Variants in CUBN observed in about 807,000 individuals in gnomAD.
CUBN encodes 460 kDa receptor.
CUBN carries 282 observed loss-of-function variants against 405.3 expected under a neutral mutation model. The ratio of observed to expected loss-of-function variants is 0.70; its 90% CI spans 0.63 to 0.77. CUBN has a LOEUF of 0.77. Ranked by LOEUF, CUBN falls within the 30% of genes least tolerant of loss-of-function variation. CUBN has a pLI of 0.00. For synonymous variants in CUBN, 1,684 were observed against 1,617.0 expected (o/e 1.04, Z -0.99); for missense variants, 4,514 against 4,475.2 (o/e 1.01, Z -0.25).
At chr10:16,931,360 A>C (rs1268336626) in intron 40 of CUBN, among the ~76,000 whole-genome samples, 1 of 152,204 alleles carries the variant, frequency 6.6e-6, no homozygotes. Flanking sequence ...GCACTCAATA[A>C]CTATTTCTTG....
At position 16,945,767 on chromosome 10, in the gene CUBN, CAA is replaced by C. The variant is rs61141075; in HGVS notation, c.5342+1466_5342+1467del. ...GGGCAACAGAGCCAGACTGTGTCTC[CAA>C]AAAAAAAAAAAAAAAAAAAAAGACA... On this transcript the variant is annotated intron_variant, in intron 36 of 66. Transcript: ENST00000377833. Among the ~76,000 whole-genome samples, 368 of 81,412 alleles carry C rather than the reference CAA, an allele frequency of 4.5e-3. 3 individuals carry two copies. Among genetic ancestry groups the C allele is most frequent in the African/African-American group, 0.016 (341 of 21,520 alleles). The allele number at this position is 81,412 out of a possible 152,430, so 53.4% of individuals were successfully genotyped here.
At chr10:17,051,894 G>A (rs12254962) in intron 22 of CUBN, among the ~76,000 whole-genome samples, 7,946 of 150,518 alleles carry the variant, frequency 0.053, 709 homozygotes, top group African/African-American at 0.18. Context: ...AGGAAATAGC[G>A]GCTAAAATTC....
intron 60 of CUBN, among the ~76,000 whole-genome samples, chr10:16,850,406 T>A (rs1020047366): frequency 2.0e-5 from 3 of 152,190 alleles, no homozygotes; most frequent in African/African-American, 7.2e-5. Flanking sequence ...ACCTGATAGG[T>A]ATAATAATTT....
intron 39 of CUBN, among the ~76,000 whole-genome samples, chr10:16,934,846 A>G (rs1470710023): frequency 6.6e-6 from 1 of 152,202 alleles, no homozygotes; most frequent in Non-Finnish European, 1.5e-5. Flanking sequence ...TTAGGAAGTG[A>G]TGGATGATGA....
intron 19 of CUBN, among the ~76,000 whole-genome samples, 181 bp downstream of exon 19, chr10:17,071,245 C>T (rs923825367): frequency 3.3e-5 from 5 of 152,182 alleles, no homozygotes; most frequent in African/African-American, 9.6e-5. Flanking sequence ...TATATAAATC[C>T]TCTTTTTGTG....
chr10:16,909,138 G>A (rs1213082900), intron 48 of CUBN, among the ~76,000 whole-genome samples: 1 of 151,958 alleles, frequency 6.6e-6, no homozygotes, highest in Non-Finnish European at 1.5e-5. Context: ...ACCCGCCTCG[G>A]CCTCCCAAAG....
In CUBN at chr10:16,976,391, A is replaced by T. The variant is rs1423518690; in HGVS notation, c.4695+6093T>A. On this transcript the variant is annotated intron_variant, in intron 31 of 66. Coordinates refer to ENST00000377833, the MANE Select transcript of CUBN (RefSeq NM_001081.4). ...TTTAAAAAAATTTTTTTTACTTCCA[A>T]TCCTGGTTGAAAAGTCAGCATTTAG... 2.0e-5 allele frequency among the ~76,000 whole-genome samples: 3 copies of T among 152,124 alleles called. No individual in the cohort carries two copies. The East Asian group carries it at 5.8e-4, about 29-fold the overall frequency.
intron 31 of CUBN, among the ~76,000 whole-genome samples, chr10:16,970,113 C>T (rs935896734): frequency 6.6e-6 from 1 of 152,168 alleles, no homozygotes; most frequent in Non-Finnish European, 1.5e-5. Flanking sequence ...CAGAAACAAG[C>T]ACCTGGCAGT....
chr10:17,072,094 A>G (rs538766916), intron 17 of CUBN, 123 bp from the exon 18 acceptor site: 1 of 757,486 alleles, frequency 1.3e-6, no homozygotes, highest in Admixed American at 2.3e-5. Flanking sequence ...TTTGAGTTAC[A>G]TATTTCTATT....
At chr10:17,109,938 C>A (rs1836731632) in intron 9 of CUBN, among the ~76,000 whole-genome samples, 1 of 151,924 alleles carries the variant, frequency 6.6e-6, no homozygotes, top group Non-Finnish European at 1.5e-5. Context: ...ATTTCATAAG[C>A]AATGTTCTGG....
chr10:16,901,389 G>A lies in CUBN; in HGVS notation c.8133C>T (p.Ser2711=). ...TSPNYPNAYD[S]LTHCSSLLEA... ...CCAACAGCGAAGAGCAGTGGGTCAG[G>A]CTGTCATAAGCATTTGGATAGTTGG... The change falls in exon 52 of 67, where the codon AGC becomes AGT. Residue 2711 remains serine, a synonymous_variant. Coordinates refer to ENST00000377833, the MANE Select transcript of CUBN (RefSeq NM_001081.4). 1 of 1,614,130 alleles carries A rather than the reference G, an allele frequency of 6.2e-7. No homozygotes were observed. The highest frequency in any genetic ancestry group is 8.5e-7 in the Non-Finnish European group (1 of 1,179,992).
chr10:16,835,224 T>C (rs1371813773), intron 63 of CUBN, 29 bp from the exon 64 acceptor site: 2 of 1,546,150 alleles, frequency 1.3e-6, no homozygotes, highest in African/African-American at 2.7e-5. Flanking sequence ...ATAATTAATG[T>C]ACGCATTCCA....
intron 56 of CUBN, among the ~76,000 whole-genome samples, chr10:16,885,609 T>C (rs958697468): frequency 1.4e-5 from 2 of 147,724 alleles, no homozygotes; most frequent in African/African-American, 2.5e-5. Context: ...CCCTGTACTA[T>C]ACTGAGATAT....
In CUBN at chr10:16,840,230, AAAG is replaced by A; in HGVS notation, c.10032+97_10032+99del. ...CTAAAACTTAAAGTATAATTAAAAA[AAAG>A]AAAATTATTTCATCATGGCTTCATT... is the stretch of plus-strand genomic sequence containing the variant. On this transcript the variant is annotated intron_variant, in intron 62 of 66. Transcript: ENST00000377833. The A allele has an allele frequency of 2.7e-6, 3 of 1,104,940 alleles. No homozygotes were observed. In the South Asian group the frequency reaches 4.0e-5, roughly 15 times the overall value. 68.4% of individuals were successfully genotyped at this position (1,104,940 alleles called of 1,614,324 possible).
intron 3 of CUBN, among the ~76,000 whole-genome samples, chr10:17,127,264 CTTTTTT>C (rs34414528): frequency 4.8e-5 from 4 of 82,870 alleles, no homozygotes; most frequent in Non-Finnish European, 8.6e-5. Context: ...CTCTCTCTTT[CTTTTTT>C]TTTTTTTTTT....
chr10:17,103,893 G>C (rs1836557963), intron 12 of CUBN, among the ~76,000 whole-genome samples: 1 of 152,162 alleles, frequency 6.6e-6, no homozygotes, highest in Non-Finnish European at 1.5e-5. Context: ...GTGGTACATG[G>C]GGTCCGGTGA....
Position 17,122,819 on chromosome 10 carries a change from CAT to C in CUBN, c.567_568del (p.Val191Ter). ...CCTGTAACTTCCCATTGTATTAACA[CAT>C]GTGCCTCCATTCTGGCAGCTCAAGG... On this transcript the variant is annotated frameshift_variant, in exon 6 of 67. Transcript: ENST00000377833. LOFTEE classifies it high-confidence loss of function. 4 of 1,600,208 alleles carry C rather than the reference CAT, an allele frequency of 2.5e-6. No individual in the cohort carries two copies. The highest frequency in any genetic ancestry group is 3.4e-6 in the Non-Finnish European group (4 of 1,169,474).
intron 59 of CUBN, among the ~76,000 whole-genome samples, chr10:16,864,253 A>C (rs1840098982): frequency 6.6e-6 from 1 of 152,224 alleles, no homozygotes; most frequent in African/African-American, 2.4e-5. Context: ...AATGTACTTT[A>C]GGATTTGACG....
chr10:16,995,374 GCTGTATGAATA>G (rs1465102993), intron 28 of CUBN, among the ~76,000 whole-genome samples: 2 of 152,208 alleles, frequency 1.3e-5, no homozygotes, highest in African/African-American at 4.8e-5. Flanking sequence ...TTCATCTATA[GCTGTATGAATA>G]CTTACTTCAT....
Sources: allele counts gnomAD v4.1 joint callset (sites outside exome capture counted in the v4.1 genomes callset), GRCh38; gene constraint gnomAD v4.1.1; transcripts MANE v1.5; gene names NCBI Gene and HGNC (gene_info 2026-07-23, HGNC 2026-07-21).